The following BTBD10 variants were observed in gnomAD, a reference collection of about 807,000 sequenced individuals.
BTBD10 encodes the protein BTB domain containing 10.
A neutral mutation model predicts 53.2 loss-of-function variants in BTBD10; 21 were observed. The ratio of observed to expected loss-of-function variants is 0.39; its 90% CI spans 0.28 to 0.57. The LOEUF (loss-of-function observed/expected upper bound fraction) is 0.57. Ranked by LOEUF, BTBD10 falls within the 20% of genes least tolerant of loss-of-function variation. BTBD10 has a pLI of 0.53. For synonymous variants in BTBD10, 149 were observed against 192.7 expected, an observed-to-expected ratio of 0.77 and a Z score of 1.88; for missense variants, 360 against 594.7, an observed-to-expected ratio of 0.61 and a Z score of 4.10.
chr11:13,396,921 T>C (rs1949566557), intron 8 of BTBD10, among the ~76,000 whole-genome samples: 1 of 152,216 alleles, frequency 6.6e-6, no homozygotes, highest in Non-Finnish European at 1.5e-5. Flanking sequence ...AGCTTTTTGA[T>C]GTGTTGCTGG....
chr11:13,407,317 A>G (rs1949853612), intron 6 of BTBD10, among the ~76,000 whole-genome samples: 1 of 152,190 alleles, frequency 6.6e-6, no homozygotes, highest in African/African-American at 2.4e-5. Context: ...AGTCTTCTGT[A>G]TTCGAGATGC....
chr11:13,388,990 T>C lies in BTBD10; in HGVS notation c.1269A>G (p.Lys423=), dbSNP rs978232758. 6.2e-7 allele frequency: 1 copy of C among 1,614,012 alleles called. No individual in the cohort carries two copies. The highest frequency in any genetic ancestry group is 1.3e-5 in the African/African-American group (1 of 74,924). Residue 423 remains lysine (K), a synonymous_variant, in exon 9 of 9, where the codon AAA becomes AAG. Transcript: ENST00000278174. ...RHVDFQCVKS[K]SITNLAAAAA... is the part of the protein sequence containing the mutation. ...CAGCTGCTGCAAGATTGGTGATAGA[T>C]TTACTCTTTACACACTGAAAGTCTA...
chr11:13,404,529 C>T (rs1168307933), intron 7 of BTBD10: 92 of 841,520 alleles, frequency 1.1e-4, no homozygotes, highest in Non-Finnish European at 1.3e-4. Flanking sequence ...TTGTTCACTC[C>T]TTTTCCTTAA....
chr11:13,440,044 A>G (rs1309679189), intron 2 of BTBD10: 3 of 1,531,480 alleles, frequency 2.0e-6, no homozygotes, highest in Admixed American at 2.0e-5. Context: ...TATTTCCATC[A>G]TCTTCAAGAT....
intron 1 of BTBD10, chr11:13,459,548 C>T (rs183040488): frequency 6.6e-6 from 1 of 152,224 alleles, no homozygotes; most frequent in East Asian, 1.9e-4. Context: ...CTTCCTGACC[C>T]GCCTTACTTT....
At chr11:13,435,889 T>C (rs1950536522) in intron 2 of BTBD10, among the ~76,000 whole-genome samples, 1 of 152,330 alleles carries the variant, frequency 6.6e-6, no homozygotes, top group South Asian at 2.1e-4. Flanking sequence ...TTCTCCCCAC[T>C]ATGCCTTTTA....
chr11:13,424,467 C>A (rs1036030568), intron 2 of BTBD10, among the ~76,000 whole-genome samples: 1 of 152,174 alleles, frequency 6.6e-6, no homozygotes, highest in Non-Finnish European at 1.5e-5. Context: ...CCTTCAAAAT[C>A]AGATGTCATG....
chr11:13,445,090 G>C lies in BTBD10; in HGVS notation c.35C>G (p.Ser12Cys), dbSNP rs778896337. The C allele has an allele frequency of 3.7e-6, 6 of 1,613,142 alleles. No individual in the cohort carries two copies. Among genetic ancestry groups the C allele is most frequent in the Admixed American group, 1.7e-5 (1 of 59,942 alleles). Residue 12 changes from serine (S) to cysteine (C), a missense_variant, in exon 2 of 9, where the codon TCC becomes TGC. By Grantham distance (112) the Ser-to-Cys change is moderately radical (BLOSUM62 -1). Around this residue, in one of 6 missense-constraint regions of BTBD10, gnomAD observed 81 missense variants for 82.6 expected, o/e 0.98. Coordinates refer to ENST00000278174, the MANE Select transcript of BTBD10 (RefSeq NM_032320.7). ...CCGATCCCAATTCTCTGGATCACTG[G>C]AGTTACCATCATAGGGATGAGGCCG... is the stretch of plus-strand genomic sequence containing the variant. Reference protein sequence around the residue: ...AGRPHPYDGNSSDPENWDRKL... With the variant: ...AGRPHPYDGNCSDPENWDRKL...
rs971889376 is a variant in BTBD10, at chr11:13,445,088, T to C, written c.37A>G (p.Ser13Gly). Residue 13 changes from serine (S) to glycine (G), a missense_variant, in exon 2 of 9, where the codon AGT becomes GGT. Physicochemically the swap from Ser to Gly is moderately conservative, Grantham distance 56. This residue lies in a region of BTBD10 where 81 missense variants were observed against 82.6 expected (regional missense o/e 0.98). Transcript: ENST00000278174. ...GRPHPYDGNS[S>G]DPENWDRKLH... Reference sequence around the variant, plus strand: ...TTCCGATCCCAATTCTCTGGATCACTGGAGTTACCATCATAGGGATGAGGC... The same window carrying C: ...TTCCGATCCCAATTCTCTGGATCACCGGAGTTACCATCATAGGGATGAGGC... The C allele has an allele frequency of 1.9e-6, 3 of 1,613,402 alleles. No homozygotes were observed. Among genetic ancestry groups the C allele is most frequent in the Non-Finnish European group, 2.5e-6 (3 of 1,179,486 alleles).
At chr11:13,393,497 G>C (rs2135734102) in intron 8 of BTBD10, among the ~76,000 whole-genome samples, 1 of 152,198 alleles carries the variant, frequency 6.6e-6, no homozygotes, top group South Asian at 2.1e-4. Context: ...GTAATTCCAG[G>C]AAAGTCTCAA....
chr11:13,454,039 A>G (rs1033801786), intron 1 of BTBD10, among the ~76,000 whole-genome samples: 2 of 152,138 alleles, frequency 1.3e-5, no homozygotes, highest in African/African-American at 4.8e-5. Context: ...GCAACAGAGC[A>G]AGACTCCATC....
intron 2 of BTBD10, among the ~76,000 whole-genome samples, chr11:13,422,419 G>A (rs1222298389): frequency 1.3e-5 from 2 of 152,096 alleles, no homozygotes; most frequent in Non-Finnish European, 2.9e-5. Flanking sequence ...AGGCCAATGC[G>A]GGTGAATCGC....
chr11:13,411,033 G>C (rs1949930908), intron 6 of BTBD10, among the ~76,000 whole-genome samples: 1 of 152,156 alleles, frequency 6.6e-6, no homozygotes, highest in Non-Finnish European at 1.5e-5. Context: ...GTATGTTTGA[G>C]ACTGAGGTTT....
intron 6 of BTBD10, among the ~76,000 whole-genome samples, chr11:13,406,560 TGAGA>T (rs72242186): frequency 0.16 from 23,027 of 141,200 alleles, 1,969 homozygotes; most frequent in Admixed American, 0.25. Flanking sequence ...TACGCATGAG[TGAGA>T]GAGAGAGAGA....
chr11:13,399,189 A>T (rs916554209), intron 8 of BTBD10, among the ~76,000 whole-genome samples: 11 of 152,148 alleles, frequency 7.2e-5, no homozygotes, highest in African/African-American at 1.9e-4. Context: ...TACACCAATG[A>T]GACGTAGATT....
chr11:13,459,272 A>G (rs955053081), intron 1 of BTBD10, among the ~76,000 whole-genome samples: 2 of 151,508 alleles, frequency 1.3e-5, no homozygotes, highest in African/African-American at 4.9e-5. Flanking sequence ...TTTAGCCGGG[A>G]TGGTCTCGAT....
At position 13,388,601 on chromosome 11, in the gene BTBD10, C is replaced by G. The variant is rs1238074936; in HGVS notation, c.*230G>C. The G allele has an allele frequency of 2.2e-6, 1 of 444,692 alleles. No homozygotes were observed. Among genetic ancestry groups the G allele is most frequent in the Non-Finnish European group, 4.0e-6 (1 of 250,770 alleles). The allele number at this position is 444,692 out of a possible 1,614,324, so 27.5% of individuals were successfully genotyped here. ...CATACAAAGAACCAATTTCACAAAC[C>G]TACTGGTAAACAAATACATTTACAA... On this transcript the variant is annotated 3_prime_UTR_variant, in exon 9 of 9. Coordinates refer to ENST00000278174, the MANE Select transcript of BTBD10 (RefSeq NM_032320.7).
At chr11:13,390,113 G>T (rs934648312) in intron 8 of BTBD10, among the ~76,000 whole-genome samples, 8 of 151,992 alleles carry the variant, frequency 5.3e-5, no homozygotes, top group African/African-American at 1.7e-4. Context: ...TTATTTACTA[G>T]TAAGGCCACT....
intron 6 of BTBD10, among the ~76,000 whole-genome samples, chr11:13,412,974 CAA>C (rs1949996314): frequency 6.6e-6 from 1 of 152,108 alleles, no homozygotes; most frequent in African/African-American, 2.4e-5. Flanking sequence ...GAATACCAAT[CAA>C]AGAGTTGGGA....
Sources: gnomAD v4.1 joint callset for allele counts (sites outside exome capture counted in the v4.1 genomes callset) on GRCh38, gnomAD v4.1.1 for gene constraint, gnomAD v4.1.1 regional missense constraint, MANE v1.5 for transcripts, NCBI Gene and HGNC (gene_info 2026-07-23, HGNC 2026-07-21) for gene names.